Variants in NBEAL2 observed in about 807,000 individuals in gnomAD.
NBEAL2 encodes neurobeachin-like protein 2.
Under a neutral mutation model 299.8 loss-of-function variants are expected in NBEAL2, and 160 were observed. The ratio of observed to expected loss-of-function variants is 0.53; its 90% CI spans 0.47 to 0.61. The LOEUF (loss-of-function observed/expected upper bound fraction) is 0.61. Among genes scored for constraint, NBEAL2 ranks in the 20% least tolerant of loss-of-function variants. The probability of loss-of-function intolerance (pLI) is 0.00; values close to 1 mark genes in which losing one functional copy is unlikely to be tolerated. For missense variants in NBEAL2, 3,112 were observed against 3,649.0 expected (o/e 0.85, Z 3.79); for synonymous variants, 1,493 against 1,542.3 (o/e 0.97, Z 0.75).
intron 47 of NBEAL2, 60 bp downstream of exon 47, chr3:47,007,410 C>T: frequency 6.4e-7 from 1 of 1,554,706 alleles, no homozygotes; most frequent in South Asian, 1.2e-5. Flanking sequence ...GAATTATTCC[C>T]CTCCCTAATC....
chr3:47,001,408 C>T lies in NBEAL2; in HGVS notation c.4614C>T (p.Gly1538=), dbSNP rs1488826550. 11 of 1,612,884 alleles carry T rather than the reference C, an allele frequency of 6.8e-6. No homozygotes were observed. The highest frequency in any genetic ancestry group is 9.3e-6 in the Non-Finnish European group (11 of 1,179,836). The change falls in exon 29 of 54, where the codon GGC becomes GGT. Residue 1538 remains glycine, a synonymous_variant. Transcript: ENST00000450053. The surrounding 1 kb of genome is among the most constrained non-coding windows in gnomAD (Gnocchi z 6.1). ...TGCAGGACTTCCTGTGTGCTGAAGGCCATGGTAACCAGGAACTGTGGAGTG... is the reference window on the plus strand; with the variant it reads ...TGCAGGACTTCCTGTGTGCTGAAGGTCATGGTAACCAGGAACTGTGGAGTG... ...RLLQDFLCAE[G]HGNQELWSEK...
rs774903893 is a variant in NBEAL2 at position 47,000,224 on chromosome 3, C to T, written c.4125C>T (p.Gly1375=). ...CAGGCAACACTGCTGGTGGTGGCGG[C>T]AGCAGTGGGACTCTTACTCCAGCCA... The part of the protein sequence containing the change: ...VGSGNTAGGG[G]SSGTLTPASQ... The change falls in exon 27 of 54, where the codon GGC becomes GGT. Residue 1375 remains glycine, a synonymous_variant. Coordinates refer to ENST00000450053, the MANE Select transcript of NBEAL2 (RefSeq NM_015175.3). The surrounding 1 kb of genome is among the most constrained non-coding windows in gnomAD (Gnocchi z 4.5). 2.5e-6 allele frequency: 4 copies of T among 1,613,614 alleles called. No individual in the cohort carries two copies. Among genetic ancestry groups the T allele is most frequent in the Non-Finnish European group, 2.5e-6 (3 of 1,179,896 alleles).
chr3:46,996,424 G>T lies in NBEAL2; in HGVS notation c.2305G>T (p.Gly769Trp), dbSNP rs759529163. 3.7e-6 allele frequency: 6 copies of T among 1,610,206 alleles called. No homozygotes were observed. The South Asian group carries it at 6.6e-5, about 18-fold the overall frequency. ...SVPASTGLGW[G>W]SGLVAPLQEG... Reference sequence around the variant, plus strand: ...CCCAGCCTCCACAGGGCTTGGCTGGGGGTCCGGGCTGGTGGCCCCCCTGCA... The same window carrying T: ...CCCAGCCTCCACAGGGCTTGGCTGGTGGTCCGGGCTGGTGGCCCCCCTGCA... The change falls in exon 16 of 54, where the codon GGG (glycine) becomes TGG (tryptophan). Residue 769 changes from glycine (G) to tryptophan (W), a missense_variant. Around this residue, in one of 3 missense-constraint regions of NBEAL2, gnomAD observed 2,243 missense variants for 2,538.1 expected, o/e 0.88. Coordinates refer to ENST00000450053, the MANE Select transcript of NBEAL2 (RefSeq NM_015175.3).
chr3:47,001,858 C>A lies in NBEAL2; in HGVS notation c.4782+32C>A. On this transcript the variant is annotated intron_variant, in intron 30 of 53. Transcript: ENST00000450053. The surrounding 1 kb of genome is among the most constrained non-coding windows in gnomAD (Gnocchi z 6.1). ...ACAGGGTGAGCATGGGGGCAGGGGGCGTGTGAGATGTCGGGAGCTCCAAGA... is the reference window on the plus strand; with the variant it reads ...ACAGGGTGAGCATGGGGGCAGGGGGAGTGTGAGATGTCGGGAGCTCCAAGA... 1 of 1,610,766 alleles carries A rather than the reference C, an allele frequency of 6.2e-7. No individual in the cohort carries two copies. The highest frequency in any genetic ancestry group is 1.1e-5 in the South Asian group (1 of 91,070).
At position 46,996,012 on chromosome 3, in the gene NBEAL2, G is replaced by T; in HGVS notation, c.2112G>T (p.Leu704=). The change falls in exon 15 of 54, where the codon CTG becomes CTT. Residue 704 remains leucine, a synonymous_variant. Transcript: ENST00000450053. ...NLVHVYKDGH[L]VKTAPLRCPS... ...TCCATGTCTACAAAGACGGCCATCT[G>T]GTCAAGACAGCACCCCTTCGCTGCC... is the stretch of plus-strand genomic sequence containing the variant. 1 of 1,612,082 alleles carries T rather than the reference G, an allele frequency of 6.2e-7. No homozygotes were observed.
chr3:47,002,416 AG>A lies in NBEAL2; in HGVS notation c.5198del (p.Ser1733ThrfsTer17), dbSNP rs1279388873. ...GTTCGAAATGGACACGTATGCTAAG[AG>A]CCACGACCTTATGTCAGGTTTCTGG... ...SQFEMDTYAK[S>X]HDLMSGFWNA... On this transcript the variant is annotated frameshift_variant, in exon 32 of 54. Coordinates refer to ENST00000450053, the MANE Select transcript of NBEAL2 (RefSeq NM_015175.3). LOFTEE classifies it high-confidence loss of function. 1 of 1,613,502 alleles carries A rather than the reference AG, an allele frequency of 6.2e-7. No individual in the cohort carries two copies. Among genetic ancestry groups the A allele is most frequent in the Non-Finnish European group, 8.5e-7 (1 of 1,179,910 alleles).
At position 46,998,447 on chromosome 3, in the gene NBEAL2, G is replaced by C. The variant is rs748888942; in HGVS notation, c.3119-16G>C. 15 of 1,605,758 alleles carry C rather than the reference G, an allele frequency of 9.3e-6. No homozygotes were observed. Among genetic ancestry groups the C allele is most frequent in the Middle Eastern group, 1.6e-4 (1 of 6,082 alleles). ...CTCAGCCTAGTGGCCTGAGCCCTCTGCTCATTCCCGCTCAGGTCACATCCA... is the reference window on the plus strand; with the variant it reads ...CTCAGCCTAGTGGCCTGAGCCCTCTCCTCATTCCCGCTCAGGTCACATCCA... On this transcript the variant is annotated splice_polypyrimidine_tract_variant and intron_variant, in intron 21 of 53. Coordinates refer to ENST00000450053, the MANE Select transcript of NBEAL2 (RefSeq NM_015175.3).
rs775870960 is a variant in NBEAL2, at chr3:46,989,316, A to G, written c.408A>G (p.Leu136=). The G allele has an allele frequency of 8.1e-6, 13 of 1,602,096 alleles. No homozygotes were observed. In the South Asian group the frequency reaches 1.0e-4, roughly 12 times the overall value. ...GCACGCAGTTGGAGAATGTGGCCCTACATGCTCTGCTTCTCTGCGAGGGCC... is the reference window on the plus strand; with the variant it reads ...GCACGCAGTTGGAGAATGTGGCCCTGCATGCTCTGCTTCTCTGCGAGGGCC... ...GRGTQLENVA[L]HALLLCEGLF... Residue 136 remains leucine (L), a synonymous_variant, in exon 5 of 54, where the codon CTA becomes CTG. Transcript: ENST00000450053. The surrounding 1 kb of genome is among the most constrained non-coding windows in gnomAD (Gnocchi z 5.5).
intron 1 of NBEAL2, among the ~76,000 whole-genome samples, chr3:46,985,823 G>T (rs1255360410): frequency 6.6e-6 from 1 of 152,186 alleles, no homozygotes; most frequent in Non-Finnish European, 1.5e-5. Flanking sequence ...CCGTGTTCCT[G>T]CTCAGAGCTG....
Position 47,004,488 on chromosome 3 carries a change from T to TCCC in NBEAL2, c.6199-5_6199-3dup, listed in dbSNP as rs747642157. ...CTGGCTCACATCTTGTCTGCCCCTG[T>TCCC]CCCCAGAAATGGGTACAGCGTGAGA... On this transcript the variant is annotated splice_polypyrimidine_tract_variant and splice_region_variant and intron_variant, in intron 37 of 53. Transcript: ENST00000450053. The surrounding 1 kb of genome is among the most constrained non-coding windows in gnomAD (Gnocchi z 5.0). 1 of 1,613,228 alleles carries TCCC rather than the reference T, an allele frequency of 6.2e-7. No individual in the cohort carries two copies. Among genetic ancestry groups the TCCC allele is most frequent in the African/African-American group, 1.3e-5 (1 of 75,000 alleles).
chr3:46,986,566 T>C (rs1481887211), intron 1 of NBEAL2, among the ~76,000 whole-genome samples: 2 of 152,016 alleles, frequency 1.3e-5, no homozygotes, highest in East Asian at 3.9e-4. Flanking sequence ...AGGTGCTCAG[T>C]AGAGCTGCAG....
Position 46,997,423 on chromosome 3 carries a change from TA to T in NBEAL2, c.2817del (p.Lys939AsnfsTer17). On this transcript the variant is annotated frameshift_variant, in exon 19 of 54. Transcript: ENST00000450053. LOFTEE classifies it high-confidence loss of function. ...NTQGLVLPLG[K>X]SSEERMERNA... ...CCCAGGGCCTGGTTCTCCCATTGGG[TA>T]AATCTTCAGGTAAGTGTTCCTGGTG... is the stretch of plus-strand genomic sequence containing the variant. The T allele has an allele frequency of 6.2e-7, 1 of 1,609,132 alleles. No individual in the cohort carries two copies. The highest frequency in any genetic ancestry group is 1.1e-5 in the South Asian group (1 of 90,964).
Position 46,996,303 on chromosome 3 carries a change from A to T in NBEAL2, c.2184A>T (p.Gly728=), listed in dbSNP as rs562567343. The part of the protein sequence containing the change: ...PFSSCCIGSA[G]YRTTTTTTGL... ...CCTCCTGCTGTATCGGCTCCGCTGG[A>T]TACCGCACAACGACCACCACCACAG... is the stretch of plus-strand genomic sequence containing the variant. The change falls in exon 16 of 54, where the codon GGA becomes GGT. Residue 728 remains glycine, a synonymous_variant. Transcript: ENST00000450053. 2 of 1,609,652 alleles carry T rather than the reference A, an allele frequency of 1.2e-6. No homozygotes were observed. Among genetic ancestry groups the T allele is most frequent in the East Asian group, 4.5e-5 (2 of 44,870 alleles).
In NBEAL2 at chr3:46,991,649, C is replaced by A. The variant is rs1329046049; in HGVS notation, c.886C>A (p.Pro296Thr). The A allele has an allele frequency of 6.3e-7, 1 of 1,599,210 alleles. No individual in the cohort carries two copies. Among genetic ancestry groups the A allele is most frequent in the Non-Finnish European group, 8.5e-7 (1 of 1,179,574 alleles). The change falls in exon 8 of 54, where the codon CCC becomes ACC. Residue 296 changes from proline (P) to threonine (T), a missense_variant. By Grantham distance (38) the Pro-to-Thr change is conservative (BLOSUM62 -1). Around this residue, in one of 3 missense-constraint regions of NBEAL2, gnomAD observed 2,243 missense variants for 2,538.1 expected, o/e 0.88. Transcript: ENST00000450053. This position sits in a 1 kb window ranked among gnomAD's most constrained non-coding sequence, Gnocchi z 6.2. ...CTGGCCAGCTGGTCTGAGCTCAGGC[C>A]CCGAAGAGGCCCTTGTCACCCTCCG... is the stretch of plus-strand genomic sequence containing the variant. ...ADWPAGLSSG[P>T]EEALVTLRVS...
At chr3:47,008,925 A>G (rs2037666601) in intron 52 of NBEAL2, 64 bp from the exon 53 acceptor site, 3 of 1,586,422 alleles carry the variant, frequency 1.9e-6, no homozygotes, top group African/African-American at 1.3e-5. Context: ...GGGATAAGGG[A>G]TATCTGCTGG....
Position 46,992,689 on chromosome 3 carries a change from T to A in NBEAL2, c.1113+134T>A. On this transcript the variant is annotated intron_variant, in intron 10 of 53. Transcript: ENST00000450053. ...TCTAGAAATGGGTGTGGGTCCTCCA[T>A]GCTGTCTCGCCTGCCTTCCAAGTCC... The A allele has an allele frequency of 6.0e-6, 5 of 832,012 alleles. No individual in the cohort carries two copies. The South Asian group carries it at 8.5e-5, about 14-fold the overall frequency. 51.5% of individuals were successfully genotyped at this position (832,012 alleles called of 1,614,324 possible).
At chr3:46,986,852 A>C (rs998775678) in intron 1 of NBEAL2, among the ~76,000 whole-genome samples, 3 of 152,210 alleles carry the variant, frequency 2.0e-5, no homozygotes, top group Admixed American at 6.5e-5. Context: ...CCCATCTGCA[A>C]TGGGAGAGGT....
In NBEAL2 at chr3:46,989,599, G is replaced by A. The variant is rs1283941909; in HGVS notation, c.556+6G>A. On this transcript the variant is annotated splice_donor_region_variant and intron_variant, in intron 6 of 53. Transcript: ENST00000450053. The surrounding 1 kb of genome is among the most constrained non-coding windows in gnomAD (Gnocchi z 5.5). ...ATTCAGCGCCTTCTTCCAAGGTCAG[G>A]CCCCGCCCCTGCCCCCACTTGGCTC... 7 of 1,578,786 alleles carry A rather than the reference G, an allele frequency of 4.4e-6. No individual in the cohort carries two copies. The highest frequency in any genetic ancestry group is 3.6e-5 in the Admixed American group (2 of 55,082).
In NBEAL2 at chr3:46,991,338, C is replaced by T. The variant is rs997620693; in HGVS notation, c.642+34C>T. The T allele has an allele frequency of 1.9e-6, 3 of 1,585,308 alleles. No homozygotes were observed. The highest frequency in any genetic ancestry group is 2.6e-6 in the Non-Finnish European group (3 of 1,165,174). ...GGAGGTGAGCCTGTGGACTAGAGAG[C>T]AGCTCTTTCAGTATCTCTCTGCTGG... On this transcript the variant is annotated intron_variant, in intron 7 of 53. Transcript: ENST00000450053. The surrounding 1 kb of genome is among the most constrained non-coding windows in gnomAD (Gnocchi z 6.2).
Sources: gnomAD v4.1 joint callset for allele counts (sites outside exome capture counted in the v4.1 genomes callset) on GRCh38, gnomAD v4.1.1 for gene constraint, gnomAD v4.1.1 regional missense constraint, Gnocchi (gnomAD v3.1) non-coding constraint, MANE v1.5 for transcripts, NCBI Gene and HGNC (gene_info 2026-07-23, HGNC 2026-07-21) for gene names.